The following ZMYM2 variants were observed in gnomAD, a reference collection of about 807,000 sequenced individuals.
The protein encoded by ZMYM2 is zinc finger MYM-type protein 2.
ZMYM2 carries 56 observed loss-of-function variants against 162.8 expected under a neutral mutation model. The observed-to-expected ratio is 0.34, with a 90% CI of 0.28 to 0.43. The LOEUF (loss-of-function observed/expected upper bound fraction) is 0.43, where lower values mean the gene tolerates loss of function less well. Among genes scored for constraint, ZMYM2 ranks in the 20% least tolerant of loss-of-function variants. The pLI, the probability that ZMYM2 is intolerant of heterozygous loss-of-function variation, is 1.00. For missense variants in ZMYM2, 1,275 were observed against 1,621.8 expected (o/e 0.79, Z 3.67); for synonymous variants, 510 against 541.6 (o/e 0.94, Z 0.81).
chr13:19,886,325 C>T, the ZMYM2 span, among the ~76,000 whole-genome samples: 6 of 151,174 alleles, frequency 4.0e-5, no homozygotes, highest in South Asian at 6.2e-4. Flanking sequence ...CCACCACACC[C>T]GGCTAAGTTT....
intron 2 of ZMYM2, among the ~76,000 whole-genome samples, chr13:19,968,761 C>T (rs1416374107): frequency 1.3e-5 from 2 of 152,148 alleles, no homozygotes; most frequent in African/African-American, 4.8e-5. Context: ...TTTGCAAAAA[C>T]TTGAGAAATT....
At chr13:19,918,139 A>G in the ZMYM2 span, among the ~76,000 whole-genome samples, 5 of 152,198 alleles carry the variant, frequency 3.3e-5, no homozygotes, top group Non-Finnish European at 7.3e-5. Context: ...TATTTTCATT[A>G]ATAAATTTTA....
intron 14 of ZMYM2, among the ~76,000 whole-genome samples, chr13:20,052,816 A>AG (rs1015982858): frequency 1.1e-4 from 17 of 152,208 alleles, no homozygotes; most frequent in African/African-American, 3.4e-4. Context: ...CCAAGCCTGA[A>AG]GGGGATCTTT....
chr13:20,071,017 TG>T (rs1957049416), intron 21 of ZMYM2: 1 of 153,144 alleles, frequency 6.5e-6, no homozygotes, highest in African/African-American at 2.4e-5. Context: ...GAACTTGCAC[TG>T]CCTGTTCAAA....
intron 3 of ZMYM2, among the ~76,000 whole-genome samples, chr13:19,995,455 G>T (rs1355532064): frequency 6.6e-6 from 1 of 152,126 alleles, no homozygotes; most frequent in Non-Finnish European, 1.5e-5. Context: ...GTATCGCCCA[G>T]GCTGGAGTGC....
chr13:20,054,548 C>G (rs1159632665), intron 14 of ZMYM2, among the ~76,000 whole-genome samples: 1 of 152,194 alleles, frequency 6.6e-6, no homozygotes. Flanking sequence ...AAATACTCAA[C>G]AGATGGTGGC....
chr13:20,021,227 G>A (rs1467549830), intron 7 of ZMYM2, among the ~76,000 whole-genome samples: 3 of 151,852 alleles, frequency 2.0e-5, no homozygotes, highest in Non-Finnish European at 2.9e-5. Flanking sequence ...CGCCTGCCTC[G>A]GCCTCCCAAA....
At chr13:20,048,676 G>A (rs920065031) in intron 12 of ZMYM2, among the ~76,000 whole-genome samples, 2 of 151,994 alleles carry the variant, frequency 1.3e-5, no homozygotes, top group Non-Finnish European at 2.9e-5. Flanking sequence ...ACTGGGTCAG[G>A]ATAGGCTGAA....
At chr13:20,061,657 C>T (rs948535916) in intron 17 of ZMYM2, among the ~76,000 whole-genome samples, 131 of 151,994 alleles carry the variant, frequency 8.6e-4, no homozygotes, top group Non-Finnish European at 1.8e-4. Context: ...AGCATGATCC[C>T]GGTTCACTGA....
chr13:20,062,786 A>G, intron 17 of ZMYM2, 60 bp from the exon 18 acceptor site: 4 of 1,456,112 alleles, frequency 2.7e-6, no homozygotes, highest in Non-Finnish European at 3.6e-6. Context: ...GCCAGATTAA[A>G]TACAGATACC....
intron 6 of ZMYM2, among the ~76,000 whole-genome samples, chr13:20,014,183 C>T (rs572496661): frequency 2.0e-5 from 3 of 152,224 alleles, no homozygotes; most frequent in East Asian, 3.9e-4. Flanking sequence ...AAGCAATTCT[C>T]CTGCCTCAGC....
At chr13:19,986,997 C>G (rs938671113) in intron 2 of ZMYM2, among the ~76,000 whole-genome samples, 4 of 149,798 alleles carry the variant, frequency 2.7e-5, no homozygotes, top group Non-Finnish European at 5.9e-5. Flanking sequence ...CCCAGCTACT[C>G]AGGAGGCTGA....
chr13:19,870,848 G>A, the ZMYM2 span, among the ~76,000 whole-genome samples: 14 of 151,580 alleles, frequency 9.2e-5, no homozygotes, highest in African/African-American at 2.7e-4. Flanking sequence ...GCTGGTCTCC[G>A]ACTCCCGACC....
intron 14 of ZMYM2, among the ~76,000 whole-genome samples, chr13:20,056,381 G>A (rs12430134): frequency 0.23 from 35,045 of 152,148 alleles, 4,999 homozygotes; most frequent in Admixed American, 0.32. Flanking sequence ...TCATTGCTGT[G>A]AAGAACTTGG....
intron 2 of ZMYM2, among the ~76,000 whole-genome samples, chr13:19,962,858 G>A (rs1289179801): frequency 8.0e-6 from 1 of 124,492 alleles, no homozygotes; most frequent in African/African-American, 3.0e-5. Flanking sequence ...CAGAGTCTCT[G>A]TCATCCAGGC....
the ZMYM2 span, among the ~76,000 whole-genome samples, chr13:19,900,104 G>A: frequency 7.9e-5 from 12 of 152,098 alleles, no homozygotes; most frequent in South Asian, 6.2e-4. Context: ...CCAGGAGTTC[G>A]AGACCAGCCA....
the ZMYM2 span, among the ~76,000 whole-genome samples, chr13:19,930,553 T>C: frequency 1.1e-3 from 162 of 151,654 alleles, no homozygotes; most frequent in African/African-American, 3.8e-3. Flanking sequence ...ATTTATTTGT[T>C]TTGAGATGGA....
chr13:20,012,529 C>T lies in ZMYM2; in HGVS notation c.1512+5943C>T, dbSNP rs557278611. On this transcript the variant is annotated intron_variant, in intron 6 of 24. Transcript: ENST00000610343. The stretch of plus-strand genomic sequence containing the variant: ...CATTGTTTTCTTTTGGTCGTGCTTT[C>T]GGTGTCATTTAAGAATCTGTTGCCA... Among the ~76,000 whole-genome samples the T allele has an allele frequency of 4.6e-5, 7 of 152,248 alleles. No homozygotes were observed. In the South Asian group the frequency reaches 1.0e-3, roughly 23 times the overall value.
At chr13:20,001,808 T>A (rs972723667) in intron 3 of ZMYM2, among the ~76,000 whole-genome samples, 2 of 152,236 alleles carry the variant, frequency 1.3e-5, no homozygotes, top group East Asian at 3.8e-4. Context: ...AGCAGAAAGA[T>A]TACAGCTTGA....
Sources: allele counts gnomAD v4.1 joint callset (sites outside exome capture counted in the v4.1 genomes callset), GRCh38; gene constraint gnomAD v4.1.1; transcripts MANE v1.5; gene names NCBI Gene and HGNC (gene_info 2026-07-23, HGNC 2026-07-21).